Variants in SLC44A1 observed in about 807,000 individuals in gnomAD.
SLC44A1 encodes the protein choline transporter-like protein 1.
SLC44A1 carries 26 observed loss-of-function variants against 79.3 expected under a neutral mutation model. The ratio of observed to expected loss-of-function variants is 0.33; its 90% CI spans 0.24 to 0.46. The LOEUF (loss-of-function observed/expected upper bound fraction) is 0.46. SLC44A1 is among the 20% of genes least tolerant of loss of function. SLC44A1 has a pLI of 1.00. For missense variants in SLC44A1, 688 were observed against 798.1 expected, an observed-to-expected ratio of 0.86 and a Z score of 1.66; for synonymous variants, 263 against 286.2, an observed-to-expected ratio of 0.92 and a Z score of 0.82.
At chr9:105,384,320 A>C (rs563061491) in intron 14 of SLC44A1, among the ~76,000 whole-genome samples, 148 of 152,066 alleles carry the variant, frequency 9.7e-4, no homozygotes, top group Non-Finnish European at 1.9e-3. Context: ...AGCTGGGATT[A>C]CATGCATGTG....
At chr9:105,256,284 T>C (rs1204035854) in intron 1 of SLC44A1, among the ~76,000 whole-genome samples, 1 of 152,208 alleles carries the variant, frequency 6.6e-6, no homozygotes, top group Non-Finnish European at 1.5e-5. Flanking sequence ...AGTGCTGGAA[T>C]TACAGGCATG....
intron 15 of SLC44A1, among the ~76,000 whole-genome samples, chr9:105,415,896 A>AT (rs10592448): frequency 0.064 from 7,501 of 117,778 alleles, 457 homozygotes; most frequent in African/African-American, 0.16. Flanking sequence ...GATTGACTGA[A>AT]TTTTTTTTTT....
chr9:105,334,281 A>G (rs1339137899), intron 3 of SLC44A1, among the ~76,000 whole-genome samples: 4 of 148,708 alleles, frequency 2.7e-5, no homozygotes, highest in Non-Finnish European at 5.9e-5. Context: ...CCTGACCTTC[A>G]TGCCGGGTTC....
chr9:105,245,527 C>T (rs906242117), intron 1 of SLC44A1, among the ~76,000 whole-genome samples: 4 of 152,220 alleles, frequency 2.6e-5, no homozygotes, highest in African/African-American at 7.2e-5. Context: ...CCCATCCCCC[C>T]TTAGTGCCGT....
intron 5 of SLC44A1, among the ~76,000 whole-genome samples, chr9:105,351,244 T>C (rs546000071): frequency 2.6e-5 from 4 of 152,242 alleles, no homozygotes; most frequent in Admixed American, 1.3e-4. Flanking sequence ...GACAAATTAA[T>C]AGCCAAAGGC....
intron 6 of SLC44A1, 114 bp downstream of exon 6, chr9:105,356,495 A>T (rs1209150784): frequency 3.2e-6 from 2 of 626,798 alleles, no homozygotes; most frequent in African/African-American, 3.7e-5. Context: ...TTAACTTCCC[A>T]TAGCCAAAAT....
chr9:105,303,616 A>G (rs191330630), intron 2 of SLC44A1, among the ~76,000 whole-genome samples: 4 of 152,318 alleles, frequency 2.6e-5, no homozygotes, highest in African/African-American at 9.6e-5. Flanking sequence ...TTTTACAGAG[A>G]AGGAAACAGA....
intron 3 of SLC44A1, among the ~76,000 whole-genome samples, chr9:105,327,673 T>A (rs12379026): frequency 0.024 from 3,697 of 152,292 alleles, 49 homozygotes; most frequent in Middle Eastern, 0.048. Context: ...CCCTTTAACC[T>A]TTTTGCCTTT....
chr9:105,265,173 A>G (rs1588712627), intron 1 of SLC44A1, among the ~76,000 whole-genome samples: 2 of 152,296 alleles, frequency 1.3e-5, no homozygotes, highest in African/African-American at 4.8e-5. Flanking sequence ...TACATACGGT[A>G]CAATTCACTT....
In SLC44A1 at chr9:105,391,501, A is replaced by G; in HGVS notation, c.*2445A>G. ...TTAAGTAAATTCATGTGCCGTGTAG[A>G]AATATGCAGATATGCATTACACAGG... On this transcript the variant is annotated 3_prime_UTR_variant, in exon 16 of 16. Coordinates refer to ENST00000374720, the MANE Select transcript of SLC44A1 (RefSeq NM_080546.5). 11 of 985,744 alleles carry G rather than the reference A, an allele frequency of 1.1e-5. No individual in the cohort carries two copies. The highest frequency in any genetic ancestry group is 1.3e-5 in the Non-Finnish European group (11 of 829,908). The allele number at this position is 985,744 out of a possible 1,614,324, so 61.1% of individuals were successfully genotyped here. A position where few individuals can be genotyped will look rare whatever the true frequency, so the allele number is the denominator to read the frequency against.
intron 13 of SLC44A1, among the ~76,000 whole-genome samples, chr9:105,378,630 CA>C (rs1828367968): frequency 6.6e-6 from 1 of 151,922 alleles, no homozygotes; most frequent in Admixed American, 6.6e-5. Context: ...AAGATAAATA[CA>C]TTTTTTTAAT....
At chr9:105,423,764 T>G (rs913142548) in intron 15 of SLC44A1, among the ~76,000 whole-genome samples, 1 of 152,198 alleles carries the variant, frequency 6.6e-6, no homozygotes, top group African/African-American at 2.4e-5. Context: ...AACTTGTCAT[T>G]TTGAGTCTTG....
intron 15 of SLC44A1, among the ~76,000 whole-genome samples, chr9:105,421,582 C>CTTTTTTTTTTTTTTTTTTTTT (rs1056443918): frequency 1.5e-5 from 2 of 130,194 alleles, no homozygotes; most frequent in Non-Finnish European, 1.6e-5. Flanking sequence ...TCAGAAATCT[C>CTTTTTTTTTTTTTTTTTTTTT]TTTTTTTTTT....
chr9:105,249,229 A>C (rs926679600), intron 1 of SLC44A1, among the ~76,000 whole-genome samples: 17 of 152,230 alleles, frequency 1.1e-4, no homozygotes, highest in African/African-American at 4.1e-4. Context: ...GCATATGCTA[A>C]CTGTGCTTTA....
intron 1 of SLC44A1, among the ~76,000 whole-genome samples, chr9:105,297,753 G>A (rs1830765184): frequency 6.6e-6 from 1 of 152,104 alleles, no homozygotes. Context: ...TCAACACTAT[G>A]GTTTTAGAGG....
At chr9:105,361,147 C>T in intron 7 of SLC44A1, 44 bp from the exon 8 acceptor site, 2 of 1,591,150 alleles carry the variant, frequency 1.3e-6, no homozygotes, top group Non-Finnish European at 1.7e-6. Flanking sequence ...TACACATTTT[C>T]TTATCCTAAT....
intron 1 of SLC44A1, among the ~76,000 whole-genome samples, chr9:105,245,283 T>C (rs1564393904): frequency 6.6e-6 from 1 of 151,880 alleles, no homozygotes; most frequent in Non-Finnish European, 1.5e-5. Context: ...GCCTGGCTCC[T>C]CTCTTCCACC....
At chr9:105,430,965 TGA>T (rs752812252) in intron 15 of SLC44A1, among the ~76,000 whole-genome samples, 2 of 152,208 alleles carry the variant, frequency 1.3e-5, no homozygotes, top group Non-Finnish European at 2.9e-5. Flanking sequence ...AGACATCCAG[TGA>T]GTGTGAAGTT....
rs2131182211 is a variant in SLC44A1 at position 105,244,898 on chromosome 9, C to T, written c.30C>T (p.Ala10=). The T allele has an allele frequency of 8.5e-7, 1 of 1,182,324 alleles. No individual in the cohort carries two copies. The highest frequency in any genetic ancestry group is 1.0e-6 in the Non-Finnish European group (1 of 957,158). 73.2% of individuals were successfully genotyped at this position (1,182,324 alleles called of 1,614,324 possible). Reference sequence around the variant, plus strand: ...GCTGCTGCAGCTCCGCCTCCTCCGCCGCGCAGGTGAGGGGCTCCCGCCTCC... The same window carrying T: ...GCTGCTGCAGCTCCGCCTCCTCCGCTGCGCAGGTGAGGGGCTCCCGCCTCC... The part of the protein sequence containing the change: MGCCSSASS[A]AQSSKREWKP... Residue 10 remains alanine (A), a synonymous_variant, in exon 1 of 16, where the codon GCC becomes GCT. Transcript: ENST00000374720.
Sources: gnomAD v4.1 joint callset for allele counts (sites outside exome capture counted in the v4.1 genomes callset) on GRCh38, gnomAD v4.1.1 for gene constraint, MANE v1.5 for transcripts, NCBI Gene and HGNC (gene_info 2026-07-23, HGNC 2026-07-21) for gene names.